Variants in UNC5C observed in about 807,000 individuals in gnomAD.
UNC5C encodes netrin receptor UNC5C.
In UNC5C, 47 loss-of-function variants were observed where a neutral mutation model predicts 99.8. That is an observed-to-expected ratio of 0.47 (90% CI 0.37 to 0.60). The LOEUF (loss-of-function observed/expected upper bound fraction) is 0.60. Ranked by LOEUF, UNC5C falls within the 20% of genes least tolerant of loss-of-function variation. The pLI is 0.00. For synonymous variants in UNC5C, 487 were observed against 452.2 expected (o/e 1.08, Z -0.98); for missense variants, 1,062 against 1,165.9 (o/e 0.91, Z 1.30).
chr4:95,355,288 G>A (rs1301383588), intron 1 of UNC5C, among the ~76,000 whole-genome samples: 1 of 152,108 alleles, frequency 6.6e-6, no homozygotes, highest in Non-Finnish European at 1.5e-5. Flanking sequence ...CACAAGATAA[G>A]ATATCCACAT....
intron 2 of UNC5C, among the ~76,000 whole-genome samples, chr4:95,310,987 G>A (rs188229993): frequency 4.5e-4 from 69 of 152,226 alleles, no homozygotes; most frequent in Admixed American, 6.5e-5. Context: ...CAGGTTTTGA[G>A]TTTTACAGGA....
rs924677325 is a variant in UNC5C, at chr4:95,273,411, G to A, written c.594+4848C>T. Among the ~76,000 whole-genome samples the A allele has an allele frequency of 3.9e-5, 6 of 152,144 alleles. No homozygotes were observed. The East Asian group carries it at 5.8e-4, about 15-fold the overall frequency. ...AAGAGATAATCTGATAAAGCATCTC[G>A]GAATATATTTCTGGCTCTCCATGTG... On this transcript the variant is annotated intron_variant, in intron 4 of 15. Coordinates refer to ENST00000453304, the MANE Select transcript of UNC5C (RefSeq NM_003728.4).
At chr4:95,447,834 T>C (rs571959117) in intron 1 of UNC5C, among the ~76,000 whole-genome samples, 1 of 152,094 alleles carries the variant, frequency 6.6e-6, no homozygotes, top group East Asian at 1.9e-4. Context: ...GACGCAATGA[T>C]AGGAAATAAA....
At position 95,278,972 on chromosome 4, in the gene UNC5C, A is replaced by G. The variant is rs116652863; in HGVS notation, c.491-610T>C. Among the ~76,000 whole-genome samples the G allele has an allele frequency of 7.5e-3, 1,148 of 152,242 alleles. 10 individuals are homozygous for G. Among genetic ancestry groups the G allele is most frequent in the African/African-American group, 0.024 (1,002 of 41,542 alleles). On this transcript the variant is annotated intron_variant, in intron 3 of 15. Transcript: ENST00000453304. ...TTTTTGTTAGGATTTTTTGATCATC[A>G]ATTATGATGATCACAGTTTTAAATC...
chr4:95,278,486 T>C (rs900655677), intron 3 of UNC5C, 124 bp from the exon 4 acceptor site: 7 of 713,956 alleles, frequency 9.8e-6, no homozygotes, highest in Non-Finnish European at 1.6e-5. Context: ...TTTTTCTTTT[T>C]TTTTTTGAGA....
intron 2 of UNC5C, among the ~76,000 whole-genome samples, chr4:95,330,405 A>G (rs887664448): frequency 6.6e-6 from 1 of 152,086 alleles, no homozygotes; most frequent in Non-Finnish European, 1.5e-5. Flanking sequence ...AAGTCATGAT[A>G]TCTTTTTTGC....
chr4:95,496,495 G>T (rs1721634286), intron 1 of UNC5C, among the ~76,000 whole-genome samples: 1 of 151,644 alleles, frequency 6.6e-6, no homozygotes, highest in Admixed American at 6.6e-5. Flanking sequence ...TCATTTGTAA[G>T]CTTTAACCTT....
chr4:95,314,624 G>C (rs575110512), intron 2 of UNC5C, among the ~76,000 whole-genome samples: 3 of 152,230 alleles, frequency 2.0e-5, no homozygotes, highest in Admixed American at 6.5e-5. Context: ...TTTTAAAAAA[G>C]ATATAAAATT....
At chr4:95,417,921 C>T (rs986714277) in intron 1 of UNC5C, among the ~76,000 whole-genome samples, 4 of 152,146 alleles carry the variant, frequency 2.6e-5, no homozygotes, top group Non-Finnish European at 5.9e-5. Context: ...TTTCCTGCAC[C>T]TTTACTCCTG....
At chr4:95,182,816 G>T (rs937339341) in intron 14 of UNC5C, 81 bp downstream of exon 14, 1 of 1,474,780 alleles carries the variant, frequency 6.8e-7, no homozygotes, top group Non-Finnish European at 9.2e-7. Flanking sequence ...GGACTATGTT[G>T]AGATACCCTT....
chr4:95,337,756 T>C (rs1743405151), intron 1 of UNC5C, among the ~76,000 whole-genome samples: 1 of 152,028 alleles, frequency 6.6e-6, no homozygotes, highest in Non-Finnish European at 1.5e-5. Context: ...AAGATGTTTG[T>C]TAACACTTGA....
At chr4:95,504,817 A>T (rs1032807031) in intron 1 of UNC5C, among the ~76,000 whole-genome samples, 4 of 152,100 alleles carry the variant, frequency 2.6e-5, no homozygotes, top group Non-Finnish European at 4.4e-5. Context: ...TGAATCATCA[A>T]CTAATGTCTT....
At position 95,278,242 on chromosome 4, in the gene UNC5C, G is replaced by T. The variant is rs753892411; in HGVS notation, c.594+17C>A. ...CTTAGTGCCAATTGCTAAATGCAAA[G>T]AATTGTTGTTATTCACCTCAGCCAC... On this transcript the variant is annotated intron_variant, in intron 4 of 15. Transcript: ENST00000453304. 15 of 1,602,088 alleles carry T rather than the reference G, an allele frequency of 9.4e-6. No individual in the cohort carries two copies. In the African/African-American group the frequency reaches 2.0e-4, roughly 21 times the overall value.
rs909259259 is a variant in UNC5C, at chr4:95,475,322, C to T, written c.124+73412G>A. Among the ~76,000 whole-genome samples, 7 of 151,988 alleles carry T rather than the reference C, an allele frequency of 4.6e-5. 1 individual carries two copies. The highest frequency in any genetic ancestry group is 4.6e-4 in the Admixed American group (7 of 15,244). On this transcript the variant is annotated intron_variant, in intron 1 of 15. Coordinates refer to ENST00000453304, the MANE Select transcript of UNC5C (RefSeq NM_003728.4). The stretch of plus-strand genomic sequence containing the variant: ...AATCCAAGACCCATTTTGGGTCTTA[C>T]TTAATTCATTACTTGGGAAATTGGG...
chr4:95,393,822 C>A (rs1745427678), intron 1 of UNC5C, among the ~76,000 whole-genome samples: 1 of 150,574 alleles, frequency 6.6e-6, no homozygotes, highest in Non-Finnish European at 1.5e-5. Flanking sequence ...AATATAGAAT[C>A]CAAATAGTAA....
rs1171870515 is a variant in UNC5C at position 95,400,384 on chromosome 4, C to CTTTTTTTTTTTTTTT, written c.125-64768_125-64754dup. 1.2e-4 allele frequency among the ~76,000 whole-genome samples: 8 copies of CTTTTTTTTTTTTTTT among 65,764 alleles called. 1 individual carries two copies. Among genetic ancestry groups the CTTTTTTTTTTTTTTT allele is most frequent in the African/African-American group, 3.0e-4 (5 of 16,762 alleles). The allele number at this position is 65,764 out of a possible 152,430, so 43.1% of individuals were successfully genotyped here. On this transcript the variant is annotated intron_variant, in intron 1 of 15. Coordinates refer to ENST00000453304, the MANE Select transcript of UNC5C (RefSeq NM_003728.4). ...TTCCACAGCCACAGTGAGATGAATTCTTTTTTTTTTTTTTTTTTTTTTTTT... is the reference window on the plus strand; with the variant it reads ...TTCCACAGCCACAGTGAGATGAATTCTTTTTTTTTTTTTTTTTTTTTTTTTTTTTTTTTTTTTTTT...
intron 1 of UNC5C, among the ~76,000 whole-genome samples, chr4:95,459,405 T>TA (rs2149470301): frequency 6.6e-6 from 1 of 152,270 alleles, no homozygotes; most frequent in East Asian, 1.9e-4. Flanking sequence ...GTCAGTGTAT[T>TA]AAAAGTCTCT....
intron 4 of UNC5C, among the ~76,000 whole-genome samples, chr4:95,261,007 C>A (rs981050530): frequency 6.6e-6 from 1 of 152,098 alleles, no homozygotes; most frequent in African/African-American, 2.4e-5. Flanking sequence ...TTTATAAGCT[C>A]AGAAAGGAGC....
intron 1 of UNC5C, among the ~76,000 whole-genome samples, chr4:95,473,075 T>G (rs1359056290): frequency 6.6e-6 from 1 of 152,130 alleles, no homozygotes; most frequent in Non-Finnish European, 1.5e-5. Context: ...GCATTTGGAA[T>G]TTAACTCCTA....
Sources: allele counts gnomAD v4.1 joint callset (sites outside exome capture counted in the v4.1 genomes callset), GRCh38; gene constraint gnomAD v4.1.1; transcripts MANE v1.5; gene names NCBI Gene and HGNC (gene_info 2026-07-23, HGNC 2026-07-21).